The following CSRNP3 variants were observed in gnomAD, a reference collection of about 807,000 sequenced individuals.
CSRNP3 encodes cysteine and serine rich nuclear protein 3, also known as cysteine/serine-rich nuclear protein 3.
In CSRNP3, 12 loss-of-function variants were observed where a neutral mutation model predicts 48.0. That is an observed-to-expected ratio of 0.25 (90% CI 0.16 to 0.41). The LOEUF is 0.41. Ranked by LOEUF, CSRNP3 falls within the 10% of genes least tolerant of loss-of-function variation. CSRNP3 has a pLI of 1.00. For missense variants in CSRNP3, 580 were observed against 724.4 expected (o/e 0.80, Z 2.29); for synonymous variants, 263 against 269.7 (o/e 0.98, Z 0.24).
intron 2 of CSRNP3, among the ~76,000 whole-genome samples, chr2:165,511,574 T>C (rs150719416): frequency 6.6e-6 from 1 of 152,136 alleles, no homozygotes; most frequent in Admixed American, 6.5e-5. Context: ...AAATGCCAAG[T>C]GTATAGAGGA....
chr2:165,500,410 CATAT>C (rs201256708), intron 2 of CSRNP3, among the ~76,000 whole-genome samples: 2 of 125,346 alleles, frequency 1.6e-5, no homozygotes, highest in South Asian at 4.8e-4. Context: ...TATATGTATA[CATAT>C]ATATATACAC....
chr2:165,543,340 A>G (rs1684982471), intron 3 of CSRNP3, among the ~76,000 whole-genome samples: 1 of 152,142 alleles, frequency 6.6e-6, no homozygotes, highest in African/African-American at 2.4e-5. Context: ...TGCAAATTAA[A>G]AATACATTTA....
Position 165,628,638 on chromosome 2 carries a change from C to A in CSRNP3, c.149-29123C>A, listed in dbSNP as rs546013981. On this transcript the variant is annotated intron_variant, in intron 4 of 6. Transcript: ENST00000651982. The stretch of plus-strand genomic sequence containing the variant: ...ACTCCGGAGGCTGAGGCAGGAGAAT[C>A]GCTTGAACCTGGGAGGCGGAGGTTG... 3.9e-5 allele frequency among the ~76,000 whole-genome samples: 6 copies of A among 152,176 alleles called. 1 individual carries two copies. The highest frequency in any genetic ancestry group is 1.4e-4 in the African/African-American group (6 of 41,524).
intron 4 of CSRNP3, among the ~76,000 whole-genome samples, chr2:165,609,699 C>T (rs1239862706): frequency 1.3e-5 from 2 of 151,984 alleles, no homozygotes; most frequent in Non-Finnish European, 2.9e-5. Context: ...GGAGGGACAT[C>T]GTACATTTTA....
intron 1 of CSRNP3, among the ~76,000 whole-genome samples, chr2:165,472,255 T>C (rs75107553): frequency 0.015 from 2,248 of 152,134 alleles, 57 homozygotes; most frequent in African/African-American, 0.052. Flanking sequence ...TTTTTAAACT[T>C]AACGTCCAAA....
At chr2:165,675,442 C>T (rs993456959) in intron 5 of CSRNP3, among the ~76,000 whole-genome samples, 5 of 152,014 alleles carry the variant, frequency 3.3e-5, no homozygotes, top group African/African-American at 1.2e-4. Context: ...TTTCTAAATG[C>T]TTTTTTATGA....
chr2:165,586,753 A>G (rs1685640138), intron 3 of CSRNP3, among the ~76,000 whole-genome samples: 1 of 152,242 alleles, frequency 6.6e-6, no homozygotes, highest in African/African-American at 2.4e-5. Flanking sequence ...GAACTAAATG[A>G]GTTATCTATG....
chr2:165,670,451 G>A (rs1462489962), intron 5 of CSRNP3, among the ~76,000 whole-genome samples: 2 of 152,148 alleles, frequency 1.3e-5, no homozygotes, highest in Non-Finnish European at 2.9e-5. Context: ...CCTGTTAAGT[G>A]TATTAAAAGA....
intron 5 of CSRNP3, among the ~76,000 whole-genome samples, chr2:165,672,011 C>T (rs1298155906): frequency 2.0e-5 from 3 of 152,168 alleles, no homozygotes; most frequent in Non-Finnish European, 4.4e-5. Flanking sequence ...TCAGCCTGAA[C>T]TTGATTGTCC....
intron 4 of CSRNP3, among the ~76,000 whole-genome samples, chr2:165,649,066 C>T (rs990323259): frequency 2.0e-5 from 3 of 152,124 alleles, no homozygotes; most frequent in African/African-American, 4.8e-5. Flanking sequence ...TGGATGACGA[C>T]GTGACATGCA....
chr2:165,653,972 CAAAAAAAAAAAAAAAAAAAA>C (rs71028497), intron 4 of CSRNP3, among the ~76,000 whole-genome samples: 3 of 41,204 alleles, frequency 7.3e-5, no homozygotes, highest in Admixed American at 3.8e-4. Flanking sequence ...AGCTCTATCA[CAAAAAAAAAAAAAAAAAAAA>C]AAAAAAAAAA....
intron 4 of CSRNP3, among the ~76,000 whole-genome samples, chr2:165,608,866 A>T (rs1186748488): frequency 4.2e-5 from 6 of 142,286 alleles, no homozygotes; most frequent in Non-Finnish European, 9.2e-5. Context: ...CGAGGAGGGC[A>T]GATCACGAGG....
chr2:165,533,423 T>C (rs1310645373), intron 3 of CSRNP3, among the ~76,000 whole-genome samples: 1 of 152,092 alleles, frequency 6.6e-6, no homozygotes, highest in East Asian at 1.9e-4. Context: ...ACTGTAGCAA[T>C]GGGAATCCCT....
At chr2:165,507,013 GA>G (rs1490672043) in intron 2 of CSRNP3, among the ~76,000 whole-genome samples, 9 of 151,708 alleles carry the variant, frequency 5.9e-5, no homozygotes, top group African/African-American at 2.2e-4. Context: ...TCATAAACAT[GA>G]AAAAAAGCTA....
rs189345431 is a variant in CSRNP3 at position 165,650,115 on chromosome 2, C to T, written c.149-7646C>T. ...TTTCATTTTGCTTCTCATTCACCCA[C>T]GATACTTCTTTAGTATAAGTCTTTT... On this transcript the variant is annotated intron_variant, in intron 4 of 6. Coordinates refer to ENST00000651982, the MANE Select transcript of CSRNP3 (RefSeq NM_001172173.2). Among the ~76,000 whole-genome samples the T allele has an allele frequency of 2.0e-4, 30 of 152,176 alleles. 1 individual carries two copies. Among genetic ancestry groups the T allele is most frequent in the African/African-American group, 4.6e-4 (19 of 41,534 alleles).
chr2:165,584,449 G>C (rs1407877473), intron 3 of CSRNP3, among the ~76,000 whole-genome samples: 1 of 152,150 alleles, frequency 6.6e-6, no homozygotes. Context: ...AGCAAAGAGA[G>C]GGCCTTCTAA....
At position 165,689,190 on chromosome 2, in the gene CSRNP3, A is replaced by T. The variant is rs867070158; in HGVS notation, c.*9437A>T. The stretch of plus-strand genomic sequence containing the variant: ...ATATTAGCTGTAGTCTTCTGTATTT[A>T]TATTTTCAGTATTTATTATGAATGA... On this transcript the variant is annotated 3_prime_UTR_variant, in exon 7 of 7. Transcript: ENST00000651982. The T allele has an allele frequency of 6.6e-6, 1 of 152,148 alleles. No homozygotes were observed. The highest frequency in any genetic ancestry group is 1.5e-5 in the Non-Finnish European group (1 of 68,004). 9.4% of individuals were successfully genotyped at this position (152,148 alleles called of 1,614,324 possible).
At chr2:165,643,651 C>G (rs543922344) in intron 4 of CSRNP3, among the ~76,000 whole-genome samples, 23 of 152,290 alleles carry the variant, frequency 1.5e-4, no homozygotes, top group African/African-American at 5.5e-4. Context: ...ACCCTGCCCT[C>G]ATTCAACTTA....
intron 4 of CSRNP3, among the ~76,000 whole-genome samples, chr2:165,622,197 C>A (rs1327106724): frequency 6.6e-6 from 1 of 152,106 alleles, no homozygotes; most frequent in Non-Finnish European, 1.5e-5. Context: ...TTAATTCTAG[C>A]AGCCTATTTC....
Sources: allele counts gnomAD v4.1 joint callset (sites outside exome capture counted in the v4.1 genomes callset), GRCh38; gene constraint gnomAD v4.1.1; transcripts MANE v1.5; gene names NCBI Gene and HGNC (gene_info 2026-07-23, HGNC 2026-07-21).